RBFOX3: variants seen among roughly 807,000 people sequenced by gnomAD.
RBFOX3 encodes RNA binding fox-1 homolog 3.
RBFOX3 carries 17 observed loss-of-function variants against 48.7 expected under a neutral mutation model. The observed-to-expected ratio is 0.35, with a 90% CI of 0.24 to 0.52. RBFOX3 has a LOEUF of 0.52. Ranked by LOEUF, RBFOX3 falls within the 20% of genes least tolerant of loss-of-function variation. The pLI is 0.94. For synonymous variants in RBFOX3, 212 were observed against 209.5 expected, an observed-to-expected ratio of 1.01 and a Z score of -0.10; for missense variants, 382 against 497.5, an observed-to-expected ratio of 0.77 and a Z score of 2.21.
rs111770715 is a variant in RBFOX3 at position 79,441,200 on chromosome 17, G to A, written c.-175+41254C>T. ...ACTTGGCCCAGAGATGGGTCCAAGC[G>A]TGAGAAGGAGCAGGTGTGACGAGGG... On this transcript the variant is annotated intron_variant, in intron 2 of 14. Transcript: ENST00000693108. 3.9e-3 allele frequency among the ~76,000 whole-genome samples: 591 copies of A among 152,352 alleles called. 4 individuals carry two copies. Among genetic ancestry groups the A allele is most frequent in the African/African-American group, 0.013 (549 of 41,580 alleles).
chr17:79,186,575 G>A (rs1337413608), intron 4 of RBFOX3, among the ~76,000 whole-genome samples: 5 of 152,194 alleles, frequency 3.3e-5, no homozygotes, highest in African/African-American at 9.7e-5. Flanking sequence ...AGCAGGGGGT[G>A]GGGGAAGCCT....
At chr17:79,571,110 G>T (rs920110941) in intron 1 of RBFOX3, among the ~76,000 whole-genome samples, 1 of 152,168 alleles carries the variant, frequency 6.6e-6, no homozygotes, top group South Asian at 2.1e-4. Flanking sequence ...CATTTAACTC[G>T]TTGAAAAGGA....
intron 4 of RBFOX3, among the ~76,000 whole-genome samples, chr17:79,152,017 C>A (rs535034485): frequency 6.6e-6 from 1 of 151,630 alleles, no homozygotes; most frequent in Non-Finnish European, 1.5e-5. Context: ...GGGGAGAACG[C>A]TAAGAAATGG....
chr17:79,150,912 C>A (rs761835016), intron 4 of RBFOX3, among the ~76,000 whole-genome samples: 1 of 152,194 alleles, frequency 6.6e-6, no homozygotes, highest in Non-Finnish European at 1.5e-5. Context: ...GCGCCGCCTG[C>A]GAGGGAGCCT....
At position 79,535,900 on chromosome 17, in the gene RBFOX3, G is replaced by A. The variant is rs1188785999; in HGVS notation, c.-319-53302C>T. ...TCCTGGTTTCCCTGCACCTCCCCCAGCCACTGCACCCCTGCCCGTGACCAG... is the reference window on the plus strand; with the variant it reads ...TCCTGGTTTCCCTGCACCTCCCCCAACCACTGCACCCCTGCCCGTGACCAG... On this transcript the variant is annotated intron_variant, in intron 1 of 14. Coordinates refer to ENST00000693108, the MANE Select transcript of RBFOX3 (RefSeq NM_001350451.2). The surrounding 1 kb of genome is among the most constrained non-coding windows in gnomAD (Gnocchi z 4.5). Among the ~76,000 whole-genome samples, 1 of 152,102 alleles carries A rather than the reference G, an allele frequency of 6.6e-6. No homozygotes were observed. The highest frequency in any genetic ancestry group is 1.5e-5 in the Non-Finnish European group (1 of 68,004).
chr17:79,291,794 T>G (rs1193342829), intron 3 of RBFOX3, among the ~76,000 whole-genome samples: 1 of 152,204 alleles, frequency 6.6e-6, no homozygotes, highest in African/African-American at 2.4e-5. Flanking sequence ...CCTTTCTAGA[T>G]GACCTCATGT....
intron 3 of RBFOX3, among the ~76,000 whole-genome samples, chr17:79,265,318 C>T (rs985813187): frequency 1.6e-4 from 24 of 152,334 alleles, no homozygotes; most frequent in Admixed American, 4.6e-4. Context: ...TGTCTTCAGG[C>T]GGTCATGGGG....
chr17:79,394,455 A>G (rs1396032960), intron 2 of RBFOX3, among the ~76,000 whole-genome samples: 2 of 152,112 alleles, frequency 1.3e-5, no homozygotes, highest in Non-Finnish European at 2.9e-5. Context: ...TCTGGCTTCT[A>G]TGTCCACCCT....
rs75479296 is a variant in RBFOX3 at position 79,481,496 on chromosome 17, G to A, written c.-175+958C>T. On this transcript the variant is annotated intron_variant, in intron 2 of 14. Transcript: ENST00000693108. This position sits in a 1 kb window ranked among gnomAD's most constrained non-coding sequence, Gnocchi z 5.4. ...AAGCCACTCCTGACCACACCTGACC[G>A]TGTGCTGACCTGGCAACTCACAGGG... Among the ~76,000 whole-genome samples the A allele has an allele frequency of 7.8e-3, 1,183 of 152,240 alleles. 20 individuals are homozygous for A. The highest frequency in any genetic ancestry group is 0.037 in the East Asian group (191 of 5,178).
intron 2 of RBFOX3, among the ~76,000 whole-genome samples, chr17:79,350,403 C>A (rs989335162): frequency 6.6e-6 from 1 of 152,184 alleles, no homozygotes; most frequent in South Asian, 2.1e-4. Flanking sequence ...CTGGGGGGAC[C>A]CTGACTGATA....
intron 1 of RBFOX3, among the ~76,000 whole-genome samples, chr17:79,554,697 T>A (rs1227254670): frequency 6.6e-6 from 1 of 152,242 alleles, no homozygotes. Flanking sequence ...AATATACATT[T>A]GTGGGAAAAA....
chr17:79,606,858 C>A (rs953780898), intron 1 of RBFOX3, among the ~76,000 whole-genome samples: 7 of 152,078 alleles, frequency 4.6e-5, no homozygotes, highest in Non-Finnish European at 7.4e-5. Context: ...CACTAAGCAT[C>A]CGCGCCACTC....
chr17:79,130,111 C>T (rs747619242), intron 4 of RBFOX3, among the ~76,000 whole-genome samples: 1 of 152,200 alleles, frequency 6.6e-6, no homozygotes, highest in Non-Finnish European at 1.5e-5. Context: ...CCCCATCCAA[C>T]CCATTCTGTC....
intron 1 of RBFOX3, among the ~76,000 whole-genome samples, chr17:79,541,473 G>A (rs1555790314): frequency 1.3e-5 from 2 of 152,208 alleles, no homozygotes; most frequent in Non-Finnish European, 2.9e-5. Flanking sequence ...AGTACTAGAG[G>A]CGCCTGGAGT....
intron 1 of RBFOX3, among the ~76,000 whole-genome samples, chr17:79,507,504 C>A (rs992383060): frequency 0.011 from 1,687 of 152,222 alleles, 54 homozygotes; most frequent in East Asian, 0.1. Flanking sequence ...ATTCTCAGCC[C>A]CAGGGTGGAG....
intron 4 of RBFOX3, among the ~76,000 whole-genome samples, chr17:79,182,263 C>T (rs1033735135): frequency 1.3e-5 from 2 of 152,204 alleles, no homozygotes; most frequent in African/African-American, 2.4e-5. Flanking sequence ...CAGCCGCCCC[C>T]ACCCCTGCAG....
rs1299691220 is a variant in RBFOX3, at chr17:79,480,757, G to A, written c.-175+1697C>T. On this transcript the variant is annotated intron_variant, in intron 2 of 14. Transcript: ENST00000693108. This position sits in a 1 kb window ranked among gnomAD's most constrained non-coding sequence, Gnocchi z 4.8. Reference sequence around the variant, plus strand: ...TGTCTTGGCTCACAACATCAGCACCGGGGCCTGCCCTTCTGTCCTGGGCAA... The same window carrying A: ...TGTCTTGGCTCACAACATCAGCACCAGGGCCTGCCCTTCTGTCCTGGGCAA... Among the ~76,000 whole-genome samples, 3 of 152,136 alleles carry A rather than the reference G, an allele frequency of 2.0e-5. No homozygotes were observed. Among genetic ancestry groups the A allele is most frequent in the Non-Finnish European group, 2.9e-5 (2 of 68,028 alleles).
chr17:79,411,415 T>TC lies in RBFOX3; in HGVS notation c.-175+71038dup, dbSNP rs1019695188. ...GGACCCAGGGCCTCTGCACGCACCGTCCCTCTGTGTGGAGCATTCTTCCCT... is the reference window on the plus strand; with the variant it reads ...GGACCCAGGGCCTCTGCACGCACCGTCCCCTCTGTGTGGAGCATTCTTCCCT... On this transcript the variant is annotated intron_variant, in intron 2 of 14. Coordinates refer to ENST00000693108, the MANE Select transcript of RBFOX3 (RefSeq NM_001350451.2). Among the ~76,000 whole-genome samples the TC allele has an allele frequency of 2.4e-4, 36 of 152,216 alleles. 1 individual carries two copies. The highest frequency in any genetic ancestry group is 8.2e-4 in the African/African-American group (34 of 41,534).
chr17:79,430,029 TG>T (rs1363032077), intron 2 of RBFOX3, among the ~76,000 whole-genome samples: 1 of 151,936 alleles, frequency 6.6e-6, no homozygotes, highest in Non-Finnish European at 1.5e-5. Context: ...CGAGGCGAGG[TG>T]GGGGAGCCTG....
Sources: allele counts gnomAD v4.1 joint callset (sites outside exome capture counted in the v4.1 genomes callset), GRCh38; gene constraint gnomAD v4.1.1; non-coding constraint Gnocchi (gnomAD v3.1); transcripts MANE v1.5; gene names NCBI Gene and HGNC (gene_info 2026-07-23, HGNC 2026-07-21).